Variants in PBX1 observed in about 807,000 individuals in gnomAD.
PBX1 encodes the protein pre-B-cell leukemia transcription factor 1.
Under a neutral mutation model 53.4 loss-of-function variants are expected in PBX1, and 6 were observed. That is an observed-to-expected ratio of 0.11 (90% CI 0.06 to 0.22). The LOEUF (loss-of-function observed/expected upper bound fraction) is 0.22. Ranked by LOEUF, PBX1 falls within the 10% of genes least tolerant of loss-of-function variation. The pLI, the probability that PBX1 is intolerant of heterozygous loss-of-function variation, is 1.00. For missense variants in PBX1, 251 were observed against 551.4 expected, an observed-to-expected ratio of 0.46 and a Z score of 5.46; for synonymous variants, 204 against 212.3, an observed-to-expected ratio of 0.96 and a Z score of 0.34.
chr1:164,574,689 A>C (rs995070763), intron 2 of PBX1, among the ~76,000 whole-genome samples: 4 of 152,208 alleles, frequency 2.6e-5, no homozygotes, highest in African/African-American at 4.8e-5. Context: ...TGGAATTAAA[A>C]AAATTTTTAT....
chr1:164,870,833 C>T (rs1033602932), intron 2 of PBX1, among the ~76,000 whole-genome samples: 2 of 152,174 alleles, frequency 1.3e-5, no homozygotes, highest in African/African-American at 4.8e-5. Context: ...GGACAGGGTT[C>T]CAGTGGGAGG....
intron 8 of PBX1, among the ~76,000 whole-genome samples, chr1:164,822,144 G>T (rs182773807): frequency 6.6e-6 from 1 of 152,100 alleles, no homozygotes; most frequent in African/African-American, 2.4e-5. Context: ...TCTTGGGTAC[G>T]CTGGCGGCTC....
Position 164,850,107 on chromosome 1 carries a change from C to A in PBX1, c.*3431C>A, listed in dbSNP as rs2102427903. On this transcript the variant is annotated 3_prime_UTR_variant, in exon 9 of 9. Transcript: ENST00000420696. ...TTATAATAAAAATTTTAAAAATGAC[C>A]CTCATAGCACGCAAAACAGGATGGG... is the stretch of plus-strand genomic sequence containing the variant. The A allele has an allele frequency of 4.4e-6, 1 of 227,248 alleles. No homozygotes were observed. Among genetic ancestry groups the A allele is most frequent in the South Asian group, 1.8e-4 (1 of 5,464 alleles). 14.1% of individuals were successfully genotyped at this position (227,248 alleles called of 1,614,324 possible). A position where few individuals can be genotyped will look rare whatever the true frequency, so the allele number is the denominator to read the frequency against.
intron 2 of PBX1, among the ~76,000 whole-genome samples, chr1:164,595,680 T>C (rs1655706517): frequency 6.6e-6 from 1 of 152,166 alleles, no homozygotes; most frequent in South Asian, 2.1e-4. Flanking sequence ...ATCTTATTTA[T>C]GGAGATGATG....
intron 2 of PBX1, among the ~76,000 whole-genome samples, chr1:164,573,756 G>A (rs528291622): frequency 1.1e-4 from 17 of 152,236 alleles, no homozygotes; most frequent in East Asian, 7.7e-4. Flanking sequence ...AAAGTGTTGG[G>A]ATTACAGGCG....
intron 2 of PBX1, among the ~76,000 whole-genome samples, chr1:164,614,430 T>C (rs1391277942): frequency 6.6e-6 from 1 of 152,126 alleles, no homozygotes; most frequent in Non-Finnish European, 1.5e-5. Flanking sequence ...CACCTCCTTT[T>C]TCTTAGGTCG....
chr1:164,733,399 G>A (rs544312385), intron 2 of PBX1, among the ~76,000 whole-genome samples: 1 of 152,174 alleles, frequency 6.6e-6, no homozygotes, highest in South Asian at 2.1e-4. Flanking sequence ...AACCACCAAG[G>A]GTACATAGGG....
chr1:164,792,905 C>T (rs1489113256), intron 3 of PBX1, among the ~76,000 whole-genome samples, 167 bp downstream of exon 3: 1 of 152,128 alleles, frequency 6.6e-6, no homozygotes, highest in African/African-American at 2.4e-5. Context: ...CTTGAGTCTG[C>T]CAAGTCCTGG....
chr1:164,566,656 A>T (rs544980826), intron 2 of PBX1, among the ~76,000 whole-genome samples: 1 of 152,154 alleles, frequency 6.6e-6, no homozygotes, highest in African/African-American at 2.4e-5. Context: ...ACATTTCTTT[A>T]AAAAAACCTT....
chr1:164,800,907 G>C (rs902037), intron 4 of PBX1, among the ~76,000 whole-genome samples: 34,481 of 152,014 alleles, frequency 0.23, 4,216 homozygotes, highest in South Asian at 0.32. Context: ...TCTTTTCAAT[G>C]AGATAAAACA....
At chr1:164,704,933 A>G (rs777925094) in intron 2 of PBX1, among the ~76,000 whole-genome samples, 3 of 152,248 alleles carry the variant, frequency 2.0e-5, no homozygotes, top group Non-Finnish European at 2.9e-5. Flanking sequence ...TAATCAAAAT[A>G]CTACCAAAAG....
chr1:164,846,910 C>A lies in PBX1; in HGVS notation c.*234C>A. The A allele has an allele frequency of 7.3e-7, 1 of 1,371,450 alleles. No individual in the cohort carries two copies. The highest frequency in any genetic ancestry group is 2.6e-5 in the East Asian group (1 of 38,742). 85.0% of individuals were successfully genotyped at this position (1,371,450 alleles called of 1,614,324 possible). On this transcript the variant is annotated 3_prime_UTR_variant, in exon 9 of 9. Transcript: ENST00000420696. The stretch of plus-strand genomic sequence containing the variant: ...AGAAGCCACCCTTCCCTGCCTCCAG[C>A]TGTCAGCCTGGTTTTCGTCATCTTC...
intron 8 of PBX1, among the ~76,000 whole-genome samples, chr1:164,830,548 A>C (rs891504771): frequency 9.2e-5 from 14 of 152,204 alleles, no homozygotes; most frequent in Non-Finnish European, 1.9e-4. Context: ...TAAATATAGA[A>C]ATACCTACAT....
chr1:164,853,091 T>C (rs888788354), downstream of PBX1, among the ~76,000 whole-genome samples: 1 of 152,200 alleles, frequency 6.6e-6, no homozygotes, highest in African/African-American at 2.4e-5. Flanking sequence ...TCATTGCCTC[T>C]CCTTGAAGTA....
At position 164,847,405 on chromosome 1, in the gene PBX1, A is replaced by G. The variant is rs1671629474; in HGVS notation, c.*729A>G. ...TCAGGCAGCAGGGAAGGACACGGGA[A>G]CAGCAGGTGGAGAATTCCTACAGTC... On this transcript the variant is annotated 3_prime_UTR_variant, in exon 9 of 9. Transcript: ENST00000420696. 1 of 1,064,312 alleles carries G rather than the reference A, an allele frequency of 9.4e-7. No individual in the cohort carries two copies. The highest frequency in any genetic ancestry group is 1.1e-6 in the Non-Finnish European group (1 of 878,634). The allele number at this position is 1,064,312 out of a possible 1,614,324, so 65.9% of individuals were successfully genotyped here.
chr1:164,803,390 T>C (rs1389752179), intron 4 of PBX1, among the ~76,000 whole-genome samples: 2 of 152,194 alleles, frequency 1.3e-5, no homozygotes, highest in East Asian at 1.9e-4. Flanking sequence ...GAAGGAATAA[T>C]AGCAAAATAA....
chr1:164,794,193 A>T (rs1270110577), intron 3 of PBX1, among the ~76,000 whole-genome samples: 2 of 152,184 alleles, frequency 1.3e-5, no homozygotes, highest in Admixed American at 6.5e-5. Flanking sequence ...TTTAAAAGCC[A>T]AAAAAGAAGA....
intron 2 of PBX1, among the ~76,000 whole-genome samples, chr1:164,663,874 A>G (rs12117815): frequency 0.073 from 11,064 of 152,286 alleles, 503 homozygotes; most frequent in South Asian, 0.14. Flanking sequence ...CTCTTCCCAG[A>G]AGCCAAGTAT....
At chr1:164,665,720 C>G (rs1028599327) in intron 2 of PBX1, among the ~76,000 whole-genome samples, 1 of 152,230 alleles carries the variant, frequency 6.6e-6, no homozygotes. Context: ...ACCTCTGCTT[C>G]TAGCAGCCAG....
Sources: gnomAD v4.1 joint callset for allele counts (sites outside exome capture counted in the v4.1 genomes callset) on GRCh38, gnomAD v4.1.1 for gene constraint, MANE v1.5 for transcripts, NCBI Gene and HGNC (gene_info 2026-07-23, HGNC 2026-07-21) for gene names.